METTL22: variants seen among roughly 807,000 people sequenced by gnomAD.
METTL22 encodes methyltransferase 22, Kin17 lysine.
METTL22 carries 51 observed loss-of-function variants against 48.4 expected under a neutral mutation model. That is an observed-to-expected ratio of 1.05 (90% CI 0.84 to 1.33). The LOEUF (loss-of-function observed/expected upper bound fraction) is 1.33. METTL22 is among the 40% of genes most tolerant of loss of function. METTL22 has a pLI of 0.00. For synonymous variants in METTL22, 255 were observed against 214.1 expected (o/e 1.19, Z -1.67); for missense variants, 678 against 526.9 (o/e 1.29, Z -2.81).
rs886105091 is a variant in METTL22, at chr16:8,646,258, A to G, written c.*115A>G. The stretch of plus-strand genomic sequence containing the variant: ...ATTTTGTCATTTTAAAAATATGGTT[A>G]CACGTACCTTAGATGACCCAAGATG... On this transcript the variant is annotated 3_prime_UTR_variant, in exon 11 of 11. Coordinates refer to ENST00000381920, the MANE Select transcript of METTL22 (RefSeq NM_024109.4). The G allele has an allele frequency of 1.5e-6, 2 of 1,326,634 alleles. No homozygotes were observed. Among genetic ancestry groups the G allele is most frequent in the African/African-American group, 2.9e-5 (2 of 69,240 alleles). The allele number at this position is 1,326,634 out of a possible 1,614,324, so 82.2% of individuals were successfully genotyped here.
Position 8,649,201 on chromosome 16 carries a change from A to G in METTL22, c.*3058A>G, listed in dbSNP as rs2056855403. ...TTTATGTCTAAACCACTGGGCCTGA[A>G]AGCTTCCTCTAAGTAGAGCCTGGAA... is the stretch of plus-strand genomic sequence containing the variant. On this transcript the variant is annotated 3_prime_UTR_variant, in exon 11 of 11. Transcript: ENST00000381920. The G allele has an allele frequency of 6.6e-6, 1 of 152,162 alleles. No homozygotes were observed. The highest frequency in any genetic ancestry group is 2.4e-5 in the African/African-American group (1 of 41,446). 9.4% of individuals were successfully genotyped at this position (152,162 alleles called of 1,614,324 possible). A position where few individuals can be genotyped will look rare whatever the true frequency, so the allele number is the denominator to read the frequency against.
intron 5 of METTL22, among the ~76,000 whole-genome samples, chr16:8,636,921 A>G (rs1237320551): frequency 6.6e-6 from 1 of 152,226 alleles, no homozygotes; most frequent in Admixed American, 6.5e-5. Flanking sequence ...TAATCCAGCA[A>G]GTGCCATATG....
intron 1 of METTL22, among the ~76,000 whole-genome samples, chr16:8,624,528 C>T (rs528441793): frequency 1.1e-4 from 16 of 151,950 alleles, no homozygotes; most frequent in African/African-American, 2.2e-4. Flanking sequence ...TACCAGCGCG[C>T]GCCACGACAC....
chr16:8,635,435 C>T (rs2056395380), intron 5 of METTL22, 123 bp downstream of exon 5: 2 of 1,207,954 alleles, frequency 1.7e-6, no homozygotes, highest in East Asian at 5.2e-5. Flanking sequence ...TTTTGCCATC[C>T]TGGTCCCCTG....
chr16:8,626,817 T>G (rs1410039301), intron 2 of METTL22, among the ~76,000 whole-genome samples: 5 of 115,822 alleles, frequency 4.3e-5, no homozygotes, highest in Non-Finnish European at 8.4e-5. Context: ...CAGGCTGGAG[T>G]GCAGTGGCAT....
Position 8,642,461 on chromosome 16 carries a change from A to C in METTL22, c.908-2A>C. 2 of 1,614,088 alleles carry C rather than the reference A, an allele frequency of 1.2e-6. No homozygotes were observed. Among genetic ancestry groups the C allele is most frequent in the Non-Finnish European group, 1.7e-6 (2 of 1,179,954 alleles). On this transcript the variant is annotated splice_acceptor_variant, in intron 8 of 10. Transcript: ENST00000381920. LOFTEE classifies it high-confidence loss of function. ...TAATGCTGGCCTTTTTGCTTCCCAC[A>C]GTGTTTTACGACGACGACTTGACTG... is the stretch of plus-strand genomic sequence containing the variant.
Position 8,641,147 on chromosome 16 carries a change from C to G in METTL22, c.789C>G (p.Val263=), listed in dbSNP as rs780828194. The G allele has an allele frequency of 6.6e-5, 106 of 1,613,740 alleles. No individual in the cohort carries two copies. Among genetic ancestry groups the G allele is most frequent in the Non-Finnish European group, 8.5e-5 (100 of 1,179,928 alleles). The stretch of plus-strand genomic sequence containing the variant: ...TTTTTACAGGTGGTATAGTTAGGGT[C>G]AAAGAACTGGACTGGCTGAAGGACG... The part of the protein sequence containing the change: ...LAATGGGIVR[V]KELDWLKDDL... The change falls in exon 7 of 11, where the codon GTC becomes GTG. Residue 263 remains valine, a synonymous_variant. Transcript: ENST00000381920.
At chr16:8,662,423 G>C in the METTL22 span, among the ~76,000 whole-genome samples, 1 of 144,772 alleles carries the variant, frequency 6.9e-6, no homozygotes, top group Non-Finnish European at 1.5e-5. Context: ...ATGGATTGAA[G>C]GGTTTGACAT....
the METTL22 span, chr16:8,666,994 C>G: frequency 7.9e-5 from 12 of 151,924 alleles, no homozygotes; most frequent in African/African-American, 2.4e-4. Context: ...CAGGGTTTCA[C>G]TATGTTAGCC....
At chr16:8,644,439 TA>T in intron 9 of METTL22, 117 bp from the exon 10 acceptor site, 1 of 1,042,574 alleles carries the variant, frequency 9.6e-7, no homozygotes, top group Non-Finnish European at 1.4e-6. Context: ...AGGCGCTCAG[TA>T]AAAGCCCGTC....
intron 6 of METTL22, among the ~76,000 whole-genome samples, chr16:8,640,053 C>T (rs557312301): frequency 1.6e-4 from 24 of 152,342 alleles, no homozygotes; most frequent in African/African-American, 5.3e-4. Flanking sequence ...CCCCAACAGA[C>T]TCCAGGCACA....
chr16:8,655,226 C>A, the METTL22 span, among the ~76,000 whole-genome samples: 1 of 152,232 alleles, frequency 6.6e-6, no homozygotes, highest in African/African-American at 2.4e-5. Flanking sequence ...CTTAAGACCT[C>A]TGCTAAGGCT....
the METTL22 span, among the ~76,000 whole-genome samples, chr16:8,660,205 C>G: frequency 6.6e-6 from 1 of 151,966 alleles, no homozygotes; most frequent in South Asian, 2.1e-4. Flanking sequence ...GAGATGGAGT[C>G]TCACTCTGTT....
downstream of METTL22, among the ~76,000 whole-genome samples, chr16:8,652,678 TA>T (rs1555479048): frequency 2.6e-5 from 4 of 151,044 alleles, no homozygotes; most frequent in African/African-American, 9.8e-5. Flanking sequence ...ATAATTATTT[TA>T]AAAAAAAAAT....
intron 1 of METTL22, among the ~76,000 whole-genome samples, chr16:8,622,028 C>G (rs998837498): frequency 7.2e-5 from 11 of 152,230 alleles, no homozygotes; most frequent in Non-Finnish European, 1.5e-5. Flanking sequence ...AGTGCCCGAC[C>G]TGTGACTGTT....
chr16:8,644,130 C>G (rs2056708954), intron 9 of METTL22, among the ~76,000 whole-genome samples: 1 of 152,170 alleles, frequency 6.6e-6, no homozygotes, highest in Admixed American at 6.5e-5. Context: ...TCTCTCTGTT[C>G]TCTGTGCTCC....
Position 8,646,392 on chromosome 16 carries a change from G to A in METTL22, c.*249G>A. On this transcript the variant is annotated 3_prime_UTR_variant, in exon 11 of 11. Transcript: ENST00000381920. ...TCTCATGGTTGTGATGTGTGCTCCA[G>A]GGTCAAGCCGAGCCACGTTCCTTCT... 1 of 687,034 alleles carries A rather than the reference G, an allele frequency of 1.5e-6. No homozygotes were observed. Among genetic ancestry groups the A allele is most frequent in the East Asian group, 2.8e-5 (1 of 35,784 alleles). The allele number at this position is 687,034 out of a possible 1,614,324, so 42.6% of individuals were successfully genotyped here.
chr16:8,666,249 C>G, the METTL22 span, among the ~76,000 whole-genome samples: 2 of 152,178 alleles, frequency 1.3e-5, no homozygotes, highest in African/African-American at 4.8e-5. Flanking sequence ...CTTCCTTGCT[C>G]CACGGTGGGA....
At chr16:8,645,497 C>T (rs1378509120) in intron 10 of METTL22, among the ~76,000 whole-genome samples, 1 of 152,148 alleles carries the variant, frequency 6.6e-6, no homozygotes, top group East Asian at 1.9e-4. Flanking sequence ...CCAAAAAGGC[C>T]AGGTACGGTG....
Sources: gnomAD v4.1 joint callset for allele counts (sites outside exome capture counted in the v4.1 genomes callset) on GRCh38, gnomAD v4.1.1 for gene constraint, MANE v1.5 for transcripts, NCBI Gene and HGNC (gene_info 2026-07-23, HGNC 2026-07-21) for gene names.